The following MTMR10 variants were observed in gnomAD, a reference collection of about 807,000 sequenced individuals.
MTMR10 encodes the protein myotubularin related protein 10, also known as myotubularin-related protein 10.
Under a neutral mutation model 88.1 loss-of-function variants are expected in MTMR10, and 56 were observed. The observed-to-expected ratio is 0.64, with a 90% CI of 0.51 to 0.79. The LOEUF is 0.79. Among genes scored for constraint, MTMR10 ranks in the 30% least tolerant of loss-of-function variants. The pLI is 0.00. For missense variants in MTMR10, 883 were observed against 924.7 expected, an observed-to-expected ratio of 0.95 and a Z score of 0.58; for synonymous variants, 380 against 340.9, an observed-to-expected ratio of 1.11 and a Z score of -1.26.
rs76700700 is a variant in MTMR10, at chr15:30,950,996, G to T, written c.1207+972C>A. On this transcript the variant is annotated intron_variant, in intron 12 of 15. Coordinates refer to ENST00000435680, the MANE Select transcript of MTMR10 (RefSeq NM_017762.3). ...AAAAAAGTCTGTTCATGTTCATTACGGCCAAAGCTTTCCCCCGCCAATATT... is the reference window on the plus strand; with the variant it reads ...AAAAAAGTCTGTTCATGTTCATTACTGCCAAAGCTTTCCCCCGCCAATATT... 2.4e-3 allele frequency among the ~76,000 whole-genome samples: 362 copies of T among 152,268 alleles called. 1 individual carries two copies. The highest frequency in any genetic ancestry group is 8.3e-3 in the African/African-American group (344 of 41,540).
chr15:30,960,566 A>C (rs2063387563), intron 7 of MTMR10, among the ~76,000 whole-genome samples: 1 of 152,204 alleles, frequency 6.6e-6, no homozygotes, highest in African/African-American at 2.4e-5. Context: ...CCTAAGAGAC[A>C]TATTAAGCAA....
intron 12 of MTMR10, among the ~76,000 whole-genome samples, chr15:30,950,534 G>A (rs140821993): frequency 6.6e-6 from 1 of 152,140 alleles, no homozygotes; most frequent in African/African-American, 2.4e-5. Context: ...GCCGGGCGTG[G>A]TGGTGCATGC....
chr15:30,941,475 C>G lies in MTMR10; in HGVS notation c.2329G>C (p.Asp777His). The G allele has an allele frequency of 5.0e-6, 8 of 1,602,414 alleles. No individual in the cohort carries two copies. The highest frequency in any genetic ancestry group is 6.8e-6 in the Non-Finnish European group (8 of 1,173,924). Residue 777 changes from aspartate (D) to histidine (H), a missense_variant, in exon 16 of 16, where the codon GAC becomes CAC. Coordinates refer to ENST00000435680, the MANE Select transcript of MTMR10 (RefSeq NM_017762.3). The stretch of plus-strand genomic sequence containing the variant: ...TGTTCAGAAAACACCCTATTTTAGT[C>G]TTCATTTGCTAATGTCTCAGTAGAC... ...WLSTETLANE[D>H] is the part of the protein sequence containing the mutation.
chr15:30,976,794 G>T (rs773461011), intron 3 of MTMR10, 25 bp downstream of exon 3: 1 of 1,600,082 alleles, frequency 6.2e-7, no homozygotes, highest in Non-Finnish European at 8.5e-7. Context: ...CTGATAGAAT[G>T]AAACAGTGTA....
At chr15:30,920,243 A>G in the MTMR10 span, among the ~76,000 whole-genome samples, 5 of 152,212 alleles carry the variant, frequency 3.3e-5, no homozygotes, top group African/African-American at 1.2e-4. Context: ...CATAAAAACC[A>G]TTCTTAGTTT....
At chr15:30,989,855 G>C (rs2031194251) in intron 2 of MTMR10, among the ~76,000 whole-genome samples, 1 of 152,072 alleles carries the variant, frequency 6.6e-6, no homozygotes, top group Non-Finnish European at 1.5e-5. Context: ...AAAGTGCTGG[G>C]ATTACAGGCA....
At chr15:30,979,406 A>C (rs2030394312) in intron 2 of MTMR10, among the ~76,000 whole-genome samples, 1 of 151,908 alleles carries the variant, frequency 6.6e-6, no homozygotes, top group South Asian at 2.1e-4. Context: ...TAAAAAAAAA[A>C]AAAATTTAGC....
the MTMR10 span, among the ~76,000 whole-genome samples, chr15:30,931,525 C>G: frequency 6.6e-6 from 1 of 152,164 alleles, no homozygotes; most frequent in Non-Finnish European, 1.5e-5. Context: ...AGAGTTTCTC[C>G]TTTGTTTTCT....
At position 30,976,707 on chromosome 15, in the gene MTMR10, C is replaced by T. The variant is rs111699106; in HGVS notation, c.258+112G>A. ...TTAATATAATTTATCCCAAACATTGCATTACCTAATACTTCTACTATAACT... is the reference window on the plus strand; with the variant it reads ...TTAATATAATTTATCCCAAACATTGTATTACCTAATACTTCTACTATAACT... On this transcript the variant is annotated intron_variant, in intron 3 of 15. Transcript: ENST00000435680. 3.3e-3 allele frequency: 3,821 copies of T among 1,171,336 alleles called. 96 individuals are homozygous for T. In the African/African-American group the frequency reaches 0.053, roughly 16 times the overall value. 72.6% of individuals were successfully genotyped at this position (1,171,336 alleles called of 1,614,324 possible).
chr15:30,933,200 G>A, the MTMR10 span, among the ~76,000 whole-genome samples: 1 of 151,816 alleles, frequency 6.6e-6, no homozygotes, highest in East Asian at 1.9e-4. Context: ...TTATTTCCTA[G>A]TTTCTCAAGG....
chr15:30,981,503 C>T (rs1342538154), intron 2 of MTMR10, among the ~76,000 whole-genome samples: 1 of 152,200 alleles, frequency 6.6e-6, no homozygotes, highest in African/African-American at 2.4e-5. Context: ...AAGAAAACAT[C>T]GGACAAATCC....
Position 30,952,047 on chromosome 15 carries a change from A to G in MTMR10, c.1137-9T>C. 6.2e-7 allele frequency: 1 copy of G among 1,611,666 alleles called. No homozygotes were observed. The highest frequency in any genetic ancestry group is 8.5e-7 in the Non-Finnish European group (1 of 1,177,998). ...AATGCTTAAGGAATGCCCTGAAGAG[A>G]GAAAAGGAAAAGCAGTGTTAAAAAT... is the stretch of plus-strand genomic sequence containing the variant. On this transcript the variant is annotated splice_polypyrimidine_tract_variant and intron_variant, in intron 11 of 15. Transcript: ENST00000435680.
At chr15:30,947,845 C>T (rs1284433920) in intron 13 of MTMR10, among the ~76,000 whole-genome samples, 1 of 152,178 alleles carries the variant, frequency 6.6e-6, no homozygotes, top group Admixed American at 6.5e-5. Context: ...ATCTGACTGA[C>T]CTGCCTGGCC....
At chr15:30,946,584 A>G in intron 14 of MTMR10, 1 of 606,476 alleles carries the variant, frequency 1.6e-6, no homozygotes, top group Non-Finnish European at 2.9e-6. Flanking sequence ...TGTTTCTCTC[A>G]ATGGTCTCCA....
chr15:30,985,468 A>G (rs1398644518), intron 2 of MTMR10, among the ~76,000 whole-genome samples: 1 of 152,226 alleles, frequency 6.6e-6, no homozygotes, highest in East Asian at 1.9e-4. Context: ...CGTGCTACTT[A>G]GCAGTTAGTG....
chr15:30,940,232 ACC>A lies in MTMR10; in HGVS notation c.*1236_*1237del. 3.0e-6 allele frequency: 3 copies of A among 985,336 alleles called. No individual in the cohort carries two copies. The highest frequency in any genetic ancestry group is 3.6e-6 in the Non-Finnish European group (3 of 829,924). The allele number at this position is 985,336 out of a possible 1,614,324, so 61.0% of individuals were successfully genotyped here. A position where few individuals can be genotyped will look rare whatever the true frequency, so the allele number is the denominator to read the frequency against. On this transcript the variant is annotated 3_prime_UTR_variant, in exon 16 of 16. Transcript: ENST00000435680. ...ACTGCTGTAAGAAGCTTCAGCTTTG[ACC>A]GCTACAGTGGTAGGTAGGCTCTTGT...
At chr15:30,919,362 G>A in the MTMR10 span, among the ~76,000 whole-genome samples, 1,608 of 117,768 alleles carry the variant, frequency 0.014, 15 homozygotes, top group Middle Eastern at 0.024. Context: ...CCTGGGCCAC[G>A]AGCAAAACTC....
intron 9 of MTMR10, among the ~76,000 whole-genome samples, chr15:30,957,165 A>G (rs2141016950): frequency 6.6e-6 from 1 of 151,886 alleles, no homozygotes; most frequent in Non-Finnish European, 1.5e-5. Context: ...TTTACTCCTC[A>G]TTTATTCAAC....
intron 9 of MTMR10, among the ~76,000 whole-genome samples, chr15:30,958,279 G>C (rs373833471): frequency 6.6e-6 from 1 of 152,226 alleles, no homozygotes; most frequent in African/African-American, 2.4e-5. Context: ...CAGAAGGCAC[G>C]GAGTGCCAGT....
Sources: gnomAD v4.1 joint callset for allele counts (sites outside exome capture counted in the v4.1 genomes callset) on GRCh38, gnomAD v4.1.1 for gene constraint, MANE v1.5 for transcripts, NCBI Gene and HGNC (gene_info 2026-07-23, HGNC 2026-07-21) for gene names.